The following PRSS23 variants were observed in gnomAD, a reference collection of about 807,000 sequenced individuals.
PRSS23 encodes protease, serine 23.
A neutral mutation model predicts 34.7 loss-of-function variants in PRSS23; 25 were observed. The ratio of observed to expected loss-of-function variants is 0.72; its 90% CI spans 0.53 to 1.01. The LOEUF is 1.01. Ranked by LOEUF, PRSS23 falls within the 50% of genes least tolerant of loss-of-function variation. PRSS23 has a pLI of 0.00. For missense variants in PRSS23, 445 were observed against 475.6 expected, an observed-to-expected ratio of 0.94 and a Z score of 0.60; for synonymous variants, 176 against 186.6, an observed-to-expected ratio of 0.94 and a Z score of 0.46.
At chr11:86,835,202 T>C (rs1255969780) in intron 2 of PRSS23, among the ~76,000 whole-genome samples, 1 of 152,218 alleles carries the variant, frequency 6.6e-6, no homozygotes, top group African/African-American at 2.4e-5. Flanking sequence ...GCAGTGAGTA[T>C]GCCTTTCACA....
chr11:86,843,888 A>T (rs2555538), intron 2 of PRSS23, among the ~76,000 whole-genome samples: 1 of 151,986 alleles, frequency 6.6e-6, no homozygotes, highest in Admixed American at 6.6e-5. Flanking sequence ...TAGAAATACC[A>T]TCTGACCCAG....
intron 2 of PRSS23, among the ~76,000 whole-genome samples, chr11:86,828,854 C>T (rs1255923553): frequency 5.9e-5 from 9 of 152,112 alleles, no homozygotes; most frequent in South Asian, 4.2e-4. Context: ...GAGTTTCTGC[C>T]GAGAGATCCG....
At chr11:86,890,202 G>A (rs1443613628) in intron 2 of PRSS23, among the ~76,000 whole-genome samples, 7 of 152,088 alleles carry the variant, frequency 4.6e-5, no homozygotes, top group East Asian at 1.9e-4. Context: ...CCTGGGAGGC[G>A]GACATCGCAG....
intron 2 of PRSS23, among the ~76,000 whole-genome samples, chr11:86,850,683 C>A (rs1438502468): frequency 6.6e-6 from 1 of 152,146 alleles, no homozygotes; most frequent in Non-Finnish European, 1.5e-5. Flanking sequence ...ATGTTAACTG[C>A]CCATTTTTCT....
Position 86,895,747 on chromosome 11 carries a change from C to T in PRSS23, c.207-55469C>T, listed in dbSNP as rs564428430. Among the ~76,000 whole-genome samples, 4 of 152,138 alleles carry T rather than the reference C, an allele frequency of 2.6e-5. No individual in the cohort carries two copies. The South Asian group carries it at 6.2e-4, about 24-fold the overall frequency. On this transcript the variant is annotated intron_variant, in intron 2 of 2. Transcript: ENST00000533902. Reference sequence around the variant, plus strand: ...GGCCCACTTTGGCTGCCCAAAGTGCCGGGACTACAGGTGTGAACCACCGTG... The same window carrying T: ...GGCCCACTTTGGCTGCCCAAAGTGCTGGGACTACAGGTGTGAACCACCGTG...
At chr11:86,834,402 C>A (rs114239384) in intron 2 of PRSS23, among the ~76,000 whole-genome samples, 1 of 152,028 alleles carries the variant, frequency 6.6e-6, no homozygotes, top group South Asian at 2.1e-4. Flanking sequence ...TTGGTTTTCC[C>A]GAGGGGATTA....
At position 86,859,825 on chromosome 11, in the gene PRSS23, A is replaced by G. The variant is rs181689888; in HGVS notation, c.206+36232A>G. Among the ~76,000 whole-genome samples the G allele has an allele frequency of 3.3e-5, 5 of 152,092 alleles. No individual in the cohort carries two copies. The East Asian group carries it at 7.7e-4, about 23-fold the overall frequency. ...GTGGGGAAGAATGTTATGACTCCCA[A>G]TATTGCATGGGGTGGACACCTCCAG... On this transcript the variant is annotated intron_variant, in intron 2 of 2. Transcript: ENST00000533902.
chr11:86,883,114 G>A (rs1948781965), intron 2 of PRSS23, among the ~76,000 whole-genome samples: 1 of 152,172 alleles, frequency 6.6e-6, no homozygotes, highest in South Asian at 2.1e-4. Context: ...ACCTTTGTCA[G>A]ATGCAGAGTT....
intron 2 of PRSS23, chr11:86,950,723 A>T (rs1461732413): frequency 4.0e-6 from 1 of 247,698 alleles, no homozygotes; most frequent in Non-Finnish European, 7.9e-6. Context: ...TGAAAGACCC[A>T]GTTAGTATTT....
chr11:86,885,849 A>G (rs1469382204), intron 2 of PRSS23, among the ~76,000 whole-genome samples: 1 of 152,230 alleles, frequency 6.6e-6, no homozygotes, highest in Non-Finnish European at 1.5e-5. Flanking sequence ...TTCCATTGGC[A>G]TGGGCATTAG....
In PRSS23 at chr11:86,951,732, T is replaced by C. The variant is rs80358293; in HGVS notation, c.*447T>C. The stretch of plus-strand genomic sequence containing the variant: ...GCAATGTGGAAATAAGAGCTGTGCA[T>C]TTCAATGGCTTCATGACCCCATTTG... On this transcript the variant is annotated 3_prime_UTR_variant, in exon 3 of 3. Transcript: ENST00000533902. 25 of 1,614,196 alleles carry C rather than the reference T, an allele frequency of 1.5e-5. 1 individual carries two copies. In the East Asian group the frequency reaches 5.3e-4, roughly 35 times the overall value.
At position 86,951,724 on chromosome 11, in the gene PRSS23, G is replaced by A. The variant is rs1389163373; in HGVS notation, c.*439G>A. ...CCCAGGCTGCAATGTGGAAATAAGA[G>A]CTGTGCATTTCAATGGCTTCATGAC... On this transcript the variant is annotated 3_prime_UTR_variant, in exon 3 of 3. Transcript: ENST00000533902. 3.1e-6 allele frequency: 5 copies of A among 1,614,188 alleles called. No individual in the cohort carries two copies. The highest frequency in any genetic ancestry group is 1.7e-5 in the Admixed American group (1 of 60,028).
chr11:86,896,329 C>G (rs1228349695), intron 2 of PRSS23: 1 of 150,022 alleles, frequency 6.7e-6, no homozygotes, highest in Non-Finnish European at 1.5e-5. Flanking sequence ...ATTCAACTTT[C>G]CAATTCTTTA....
chr11:86,896,664 G>A (rs1194196747), intron 2 of PRSS23: 3 of 152,154 alleles, frequency 2.0e-5, no homozygotes, highest in Non-Finnish European at 4.4e-5. Context: ...TTTATCTAAC[G>A]AACTCCATTT....
exon 3 of PRSS23, chr11:86,952,058 G>T: frequency 1.2e-6 from 2 of 1,614,076 alleles, no homozygotes; most frequent in Non-Finnish European, 1.7e-6. Context: ...GAAGGCAGTG[G>T]AGATGAAACA....
intron 2 of PRSS23, chr11:86,892,083 G>A (rs960323554): frequency 1.3e-4 from 20 of 152,356 alleles, no homozygotes; most frequent in Admixed American, 1.0e-3. Flanking sequence ...TTGTCCAAGA[G>A]ACAAGACCCG....
chr11:86,860,272 C>G (rs568874452), intron 2 of PRSS23, among the ~76,000 whole-genome samples: 19 of 151,816 alleles, frequency 1.3e-4, no homozygotes, highest in Non-Finnish European at 2.2e-4. Flanking sequence ...ATATTACTTC[C>G]AATATCCCAA....
intron 2 of PRSS23, among the ~76,000 whole-genome samples, chr11:86,851,325 G>T (rs1948527689): frequency 6.6e-6 from 1 of 152,208 alleles, no homozygotes; most frequent in South Asian, 2.1e-4. Context: ...CAGGGGCAAG[G>T]GAGAGATGCC....
chr11:86,866,777 A>G (rs1253307290), intron 2 of PRSS23, among the ~76,000 whole-genome samples: 2 of 152,126 alleles, frequency 1.3e-5, no homozygotes, highest in Admixed American at 6.5e-5. Context: ...TTCTTACTCT[A>G]CTAGTTCCCA....
Sources: allele counts gnomAD v4.1 joint callset (sites outside exome capture counted in the v4.1 genomes callset), GRCh38; gene constraint gnomAD v4.1.1; transcripts MANE v1.5; gene names NCBI Gene and HGNC (gene_info 2026-07-23, HGNC 2026-07-21).